SH3RF3: variants seen among roughly 807,000 people sequenced by gnomAD.
The protein encoded by SH3RF3 is SH3 domain containing ring finger 3.
A neutral mutation model predicts 66.3 loss-of-function variants in SH3RF3; 29 were observed. The observed-to-expected ratio is 0.44, with a 90% confidence interval of 0.33 to 0.60. The LOEUF (loss-of-function observed/expected upper bound fraction) is 0.60, where lower values mean the gene tolerates loss of function less well. Ranked by LOEUF, SH3RF3 falls within the 20% of genes least tolerant of loss-of-function variation. SH3RF3 has a pLI of 0.04. For synonymous variants in SH3RF3, 583 were observed against 532.0 expected, an observed-to-expected ratio of 1.10 and a Z score of -1.32; for missense variants, 1,194 against 1,190.9, an observed-to-expected ratio of 1.00 and a Z score of -0.04.
intron 9 of SH3RF3, among the ~76,000 whole-genome samples, chr2:109,495,598 T>C (rs946812068): frequency 6.8e-6 from 1 of 147,068 alleles, no homozygotes; most frequent in Non-Finnish European, 1.5e-5. Flanking sequence ...AAGCAATTCT[T>C]GTGCCCAGCT....
At chr2:109,187,411 G>A (rs1283281536) in intron 1 of SH3RF3, among the ~76,000 whole-genome samples, 3 of 151,664 alleles carry the variant, frequency 2.0e-5, no homozygotes, top group Non-Finnish European at 4.4e-5. Flanking sequence ...GGTGCTTAAG[G>A]CCGCACACAC....
intron 1 of SH3RF3, among the ~76,000 whole-genome samples, chr2:109,275,192 G>T (rs935451883): frequency 1.3e-5 from 2 of 152,198 alleles, no homozygotes; most frequent in Non-Finnish European, 2.9e-5. Context: ...ATGAAATGTG[G>T]TTTCTCGTAC....
intron 1 of SH3RF3, among the ~76,000 whole-genome samples, chr2:109,234,454 C>G (rs1369651353): frequency 6.6e-6 from 1 of 152,202 alleles, no homozygotes; most frequent in Non-Finnish European, 1.5e-5. Context: ...TTCTTTGGAA[C>G]CAATTTTGGG....
At chr2:109,245,251 T>G (rs1462718798) in intron 1 of SH3RF3, among the ~76,000 whole-genome samples, 2 of 152,092 alleles carry the variant, frequency 1.3e-5, no homozygotes, top group African/African-American at 4.8e-5. Flanking sequence ...TCTGAGGTTT[T>G]CAGACCACAG....
Position 109,471,844 on chromosome 2 carries a change from A to AC in SH3RF3, c.2149-18760dup, listed in dbSNP as rs777959475. On this transcript the variant is annotated intron_variant, in intron 8 of 9. Coordinates refer to ENST00000309415, the MANE Select transcript of SH3RF3 (RefSeq NM_001099289.3). ...GGGCACGTCTTGTTAAACTTTTTCC[A>AC]CACTCTATTTGCTGAGACTATGCAG... Among the ~76,000 whole-genome samples the AC allele has an allele frequency of 1.1e-3, 174 of 152,246 alleles. 1 individual carries two copies. Among genetic ancestry groups the AC allele is most frequent in the Non-Finnish European group, 2.1e-3 (146 of 68,022 alleles).
rs1320096218 is a variant in SH3RF3, at chr2:109,426,156, G to A, written c.1404-6345G>A. On this transcript the variant is annotated intron_variant, in intron 5 of 9. Transcript: ENST00000309415. ...ACTCCTGACCTCAAGTGATCCGTCC[G>A]CCTTGGCCTCCCAAAGCGCTGGGAT... is the stretch of plus-strand genomic sequence containing the variant. Among the ~76,000 whole-genome samples, 6 of 152,168 alleles carry A rather than the reference G, an allele frequency of 3.9e-5. No individual in the cohort carries two copies. The South Asian group carries it at 6.2e-4, about 16-fold the overall frequency.
intron 1 of SH3RF3, among the ~76,000 whole-genome samples, chr2:109,243,991 C>T (rs1354414772): frequency 1.3e-5 from 2 of 152,174 alleles, no homozygotes; most frequent in Non-Finnish European, 2.9e-5. Context: ...AGCTCATGTG[C>T]TCATAGGTGA....
At chr2:109,495,688 C>T (rs537231430) in intron 9 of SH3RF3, among the ~76,000 whole-genome samples, 4 of 151,918 alleles carry the variant, frequency 2.6e-5, no homozygotes, top group South Asian at 4.2e-4. Context: ...GACGGGGTTT[C>T]GCCATGTTAG....
At chr2:109,200,883 T>G (rs1313780723) in intron 1 of SH3RF3, among the ~76,000 whole-genome samples, 1 of 152,226 alleles carries the variant, frequency 6.6e-6, no homozygotes. Flanking sequence ...GTTTCCTATG[T>G]GCTGTTTCAT....
chr2:109,396,069 CAGTG>C (rs1676134965), intron 3 of SH3RF3, among the ~76,000 whole-genome samples: 1 of 152,158 alleles, frequency 6.6e-6, no homozygotes, highest in African/African-American at 2.4e-5. Flanking sequence ...GCTCCGATGC[CAGTG>C]AGTGAGACGA....
intron 8 of SH3RF3, among the ~76,000 whole-genome samples, chr2:109,460,698 G>T (rs1226497264): frequency 3.3e-5 from 5 of 152,156 alleles, no homozygotes; most frequent in Non-Finnish European, 5.9e-5. Flanking sequence ...TTTCACATGT[G>T]CTTTTCCAAT....
intron 3 of SH3RF3, among the ~76,000 whole-genome samples, chr2:109,390,987 G>C (rs750550689): frequency 6.6e-6 from 1 of 152,232 alleles, no homozygotes; most frequent in Non-Finnish European, 1.5e-5. Flanking sequence ...CCCCCAAGCA[G>C]CTAGCACCCA....
chr2:109,341,498 G>A (rs1324407220), intron 1 of SH3RF3, among the ~76,000 whole-genome samples: 3 of 152,152 alleles, frequency 2.0e-5, no homozygotes, highest in East Asian at 1.9e-4. Flanking sequence ...AAATGCTTAC[G>A]AGCTAAAGAA....
In SH3RF3 at chr2:109,414,626, C is replaced by T. The variant is rs574512260; in HGVS notation, c.1300-4913C>T. Among the ~76,000 whole-genome samples the T allele has an allele frequency of 3.3e-5, 5 of 152,252 alleles. No individual in the cohort carries two copies. In the East Asian group the frequency reaches 5.8e-4, roughly 18 times the overall value. On this transcript the variant is annotated intron_variant, in intron 4 of 9. Coordinates refer to ENST00000309415, the MANE Select transcript of SH3RF3 (RefSeq NM_001099289.3). ...TCATAGATCAGCTATACATACATGACCCCAGATCTGCTGCCCAGGCCAGTC... is the reference window on the plus strand; with the variant it reads ...TCATAGATCAGCTATACATACATGATCCCAGATCTGCTGCCCAGGCCAGTC...
At chr2:109,157,068 C>T (rs1275873830) in intron 1 of SH3RF3, among the ~76,000 whole-genome samples, 1 of 152,172 alleles carries the variant, frequency 6.6e-6, no homozygotes, top group Non-Finnish European at 1.5e-5. Context: ...AAGGGCTCTC[C>T]TTGGTAAACA....
chr2:109,406,637 G>C (rs937157034), intron 4 of SH3RF3, among the ~76,000 whole-genome samples: 4 of 152,200 alleles, frequency 2.6e-5, no homozygotes, highest in Admixed American at 2.6e-4. Flanking sequence ...TATATCATCC[G>C]CAGCTGTTTT....
intron 1 of SH3RF3, among the ~76,000 whole-genome samples, chr2:109,193,554 T>C (rs1029039967): frequency 6.6e-6 from 1 of 152,248 alleles, no homozygotes; most frequent in African/African-American, 2.4e-5. Context: ...ATGATGTTTC[T>C]GAAGCTCACC....
chr2:109,162,355 CCT>C (rs1677508641), intron 1 of SH3RF3, among the ~76,000 whole-genome samples: 1 of 152,128 alleles, frequency 6.6e-6, no homozygotes, highest in Non-Finnish European at 1.5e-5. Flanking sequence ...GAGAGCCGGG[CCT>C]CTCTCATTTT....
chr2:109,174,666 A>G (rs1677876550), intron 1 of SH3RF3, among the ~76,000 whole-genome samples: 1 of 152,248 alleles, frequency 6.6e-6, no homozygotes, highest in Non-Finnish European at 1.5e-5. Context: ...TAAATGTAAT[A>G]TATTTGGAAG....
Sources: gnomAD v4.1 joint callset for allele counts (sites outside exome capture counted in the v4.1 genomes callset) on GRCh38, gnomAD v4.1.1 for gene constraint, MANE v1.5 for transcripts, NCBI Gene and HGNC (gene_info 2026-07-23, HGNC 2026-07-21) for gene names.